FPGT: variants seen among roughly 807,000 people sequenced by gnomAD.
FPGT encodes the protein fucose-1-phosphate guanylyltransferase.
Under a neutral mutation model 45.8 loss-of-function variants are expected in FPGT, and 41 were observed. The ratio of observed to expected loss-of-function variants is 0.90; its 90% CI spans 0.70 to 1.16. The LOEUF is 1.16. Among genes scored for constraint, FPGT ranks in the 50% most tolerant of loss-of-function variants. FPGT has a pLI of 0.00. For synonymous variants in FPGT, 292 were observed against 247.2 expected (o/e 1.18, Z -1.70); for missense variants, 755 against 689.1 (o/e 1.10, Z -1.07).
chr1:74,200,971 G>A (rs530676251), intron 2 of FPGT, among the ~76,000 whole-genome samples: 1 of 146,720 alleles, frequency 6.8e-6, no homozygotes, highest in South Asian at 2.2e-4. Context: ...ATTTAAATGG[G>A]CTTTGTGATT....
chr1:74,205,809 A>G lies in FPGT; in HGVS notation c.1762A>G (p.Ser588Gly), dbSNP rs767286333. The G allele has an allele frequency of 3.2e-6, 5 of 1,557,108 alleles. 1 individual carries two copies. Among genetic ancestry groups the G allele is most frequent in the Middle Eastern group, 1.7e-4 (1 of 5,842 alleles). The change falls in exon 4 of 4, where the codon AGT becomes GGT. Residue 588 changes from serine to glycine, a missense_variant. Coordinates refer to ENST00000370898, the MANE Select transcript of FPGT (RefSeq NM_003838.5). ...TYREQIFLEI[S>G]LKSSLM ...CAGGGAACAAATTTTTCTAGAAATC[A>G]GTTTAAAAAGCAGTTTGATGTAGAG...
intron 1 of FPGT, 143 bp from the exon 2 acceptor site, chr1:74,199,521 C>A: frequency 2.3e-6 from 2 of 863,578 alleles, no homozygotes; most frequent in Non-Finnish European, 3.5e-6. Context: ...ACTAATTATT[C>A]CCTAACTTTC....
intron 3 of FPGT, 145 bp downstream of exon 3, chr1:74,201,555 G>C: frequency 1.7e-6 from 1 of 590,494 alleles, no homozygotes; most frequent in South Asian, 2.9e-5. Context: ...AATATTTTAT[G>C]ATTTTCATGA....
Position 74,208,121 on chromosome 1 carries a change from T to C in FPGT, c.*2289T>C, listed in dbSNP as rs1040772544. 7.9e-5 allele frequency among the ~76,000 whole-genome samples: 12 copies of C among 151,964 alleles called. No individual in the cohort carries two copies. The highest frequency in any genetic ancestry group is 2.9e-4 in the African/African-American group (12 of 41,408). On this transcript the variant is annotated 3_prime_UTR_variant, in exon 4 of 4. Coordinates refer to ENST00000370898, the MANE Select transcript of FPGT (RefSeq NM_003838.5). ...GCTGCCTGGCTAATAGCTATTATAC[T>C]ATCATTTGTAAGGCACATTCTGTTT...
In FPGT at chr1:74,204,802, A is replaced by G. The variant is rs1277642918; in HGVS notation, c.755A>G (p.Asp252Gly). 2.5e-6 allele frequency: 4 copies of G among 1,613,666 alleles called. No individual in the cohort carries two copies. The East Asian group carries it at 6.7e-5, about 27-fold the overall frequency. ...VCRPGNFCQQ[D>G]FAGGDIADLK... Reference sequence around the variant, plus strand: ...AGACCTGGAAATTTTTGTCAACAGGACTTTGCTGGGGGTGACATTGCCGAT... The same window carrying G: ...AGACCTGGAAATTTTTGTCAACAGGGCTTTGCTGGGGGTGACATTGCCGAT... The change falls in exon 4 of 4, where the codon GAC becomes GGC. Residue 252 changes from aspartate (D) to glycine (G), a missense_variant. Physicochemically the swap from Asp to Gly is moderately conservative, Grantham distance 94. Transcript: ENST00000370898.
rs1187216053 is a variant in FPGT, at chr1:74,208,369, C to T, written c.*2537C>T. Among the ~76,000 whole-genome samples, 1 of 151,942 alleles carries T rather than the reference C, an allele frequency of 6.6e-6. No homozygotes were observed. The highest frequency in any genetic ancestry group is 1.9e-4 in the East Asian group (1 of 5,178). On this transcript the variant is annotated 3_prime_UTR_variant, in exon 4 of 4. Coordinates refer to ENST00000370898, the MANE Select transcript of FPGT (RefSeq NM_003838.5). The stretch of plus-strand genomic sequence containing the variant: ...TAATTTTTTAGGCTTTTCATTTAGT[C>T]TTCCAATAAAGATAATTTTTTTCTG...
At position 74,198,257 on chromosome 1, in the gene FPGT, C is replaced by T. The variant is rs1374182275; in HGVS notation, c.-22C>T. On this transcript the variant is annotated 5_prime_UTR_variant, in exon 1 of 4. Coordinates refer to ENST00000370898, the MANE Select transcript of FPGT (RefSeq NM_003838.5). ...CAGGGCGCATGCGTGCTGTGCGGCGCGGTCTCAGGGAAGGTGGGGCTATGG... is the reference window on the plus strand; with the variant it reads ...CAGGGCGCATGCGTGCTGTGCGGCGTGGTCTCAGGGAAGGTGGGGCTATGG... 6.2e-7 allele frequency: 1 copy of T among 1,611,806 alleles called. No individual in the cohort carries two copies. The highest frequency in any genetic ancestry group is 1.3e-5 in the African/African-American group (1 of 74,870).
chr1:74,206,576 A>G lies in FPGT; in HGVS notation c.*744A>G, dbSNP rs1039768362. ...TAGTAATAATTGAGATTCATCAATA[A>G]TCATATAATTTCACTATAGACATTA... On this transcript the variant is annotated 3_prime_UTR_variant, in exon 4 of 4. Coordinates refer to ENST00000370898, the MANE Select transcript of FPGT (RefSeq NM_003838.5). 1 of 152,104 alleles carries G rather than the reference A, an allele frequency of 6.6e-6. No homozygotes were observed. Among genetic ancestry groups the G allele is most frequent in the East Asian group, 1.9e-4 (1 of 5,194 alleles). 9.4% of individuals were successfully genotyped at this position (152,104 alleles called of 1,614,324 possible). A position where few individuals can be genotyped will look rare whatever the true frequency, so the allele number is the denominator to read the frequency against.
At position 74,204,759 on chromosome 1, in the gene FPGT, C is replaced by T. The variant is rs1406611393; in HGVS notation, c.712C>T (p.Gln238Ter). The change falls in exon 4 of 4, where the codon CAG (glutamine) becomes TAG (stop). Residue 238 changes from glutamine to a stop codon, truncating the protein, a stop_gained. Transcript: ENST00000370898. LOFTEE classifies it high-confidence loss of function. The part of the protein sequence containing the change: ...LHKPSIEKMY[Q>*]FNAVCRPGNF... ...TAAGCCCAGCATAGAAAAGATGTAT[C>T]AGTTTAATGCTGTGTGTAGACCTGG... 6.2e-7 allele frequency: 1 copy of T among 1,613,752 alleles called. No homozygotes were observed. Among genetic ancestry groups the T allele is most frequent in the African/African-American group, 1.3e-5 (1 of 74,908 alleles).
intron 3 of FPGT, 65 bp from the exon 4 acceptor site, chr1:74,204,325 TG>T (rs1652075793): frequency 8.5e-7 from 1 of 1,171,806 alleles, no homozygotes; most frequent in Non-Finnish European, 1.2e-6. Context: ...TATAAAACCC[TG>T]GGGTTTTGAA....
chr1:74,203,211 C>G (rs769727088), intron 3 of FPGT, among the ~76,000 whole-genome samples: 5 of 152,234 alleles, frequency 3.3e-5, no homozygotes, highest in African/African-American at 1.2e-4. Flanking sequence ...AGTGGTGCAT[C>G]GTGCTAGGAC....
chr1:74,206,150 T>G lies in FPGT; in HGVS notation c.*318T>G, dbSNP rs1487571406. ...GCATACCTTTGGAATTTTTCCATCT[T>G]TTTTGAGGCTTTTGGTCCAGTGAAG... On this transcript the variant is annotated 3_prime_UTR_variant, in exon 4 of 4. Coordinates refer to ENST00000370898, the MANE Select transcript of FPGT (RefSeq NM_003838.5). 5.3e-6 allele frequency: 1 copy of G among 189,184 alleles called. No individual in the cohort carries two copies. Among genetic ancestry groups the G allele is most frequent in the African/African-American group, 2.4e-5 (1 of 42,458 alleles). 11.7% of individuals were successfully genotyped at this position (189,184 alleles called of 1,614,324 possible).
At position 74,205,642 on chromosome 1, in the gene FPGT, C is replaced by G. The variant is rs148017212; in HGVS notation, c.1595C>G (p.Ser532Cys). ...ACTGCACGCATTTTCCCAGTTTGTT[C>G]TTCTTTGAGTGACTCAGTTATAACA... The part of the protein sequence containing the change: ...LWTARIFPVC[S>C]SLSDSVITSL... The change falls in exon 4 of 4, where the codon TCT becomes TGT. Residue 532 changes from serine to cysteine, a missense_variant. By Grantham distance (112) the Ser-to-Cys change is moderately radical. Transcript: ENST00000370898. 15 of 1,611,592 alleles carry G rather than the reference C, an allele frequency of 9.3e-6. No homozygotes were observed. The African/African-American group carries it at 1.6e-4, about 17-fold the overall frequency.
rs1652326725 is a variant in FPGT, at chr1:74,206,903, TAAATG to T, written c.*1076_*1080del. ...GAAAAGATTTGTCAGTGTGTTTTTT[TAAATG>T]AAATAACTAGTCTGTGCTACTTTAT... On this transcript the variant is annotated 3_prime_UTR_variant, in exon 4 of 4. Coordinates refer to ENST00000370898, the MANE Select transcript of FPGT (RefSeq NM_003838.5). The T allele has an allele frequency of 6.6e-6, 1 of 152,094 alleles. No individual in the cohort carries two copies. Among genetic ancestry groups the T allele is most frequent in the Non-Finnish European group, 1.5e-5 (1 of 67,962 alleles). 9.4% of individuals were successfully genotyped at this position (152,094 alleles called of 1,614,324 possible).
rs944231942 is a variant in FPGT, at chr1:74,205,888, AT to A, written c.*62del. 1.6e-5 allele frequency: 16 copies of A among 988,888 alleles called. No individual in the cohort carries two copies. In the South Asian group the frequency reaches 2.0e-4, roughly 12 times the overall value. 61.3% of individuals were successfully genotyped at this position (988,888 alleles called of 1,614,324 possible). A position where few individuals can be genotyped will look rare whatever the true frequency, so the allele number is the denominator to read the frequency against. ...TTTGAGTAACATTCCAGAGATAGGTATTTTTTGTAGGCTGTTTCACTGAACT... is the reference window on the plus strand; with the variant it reads ...TTTGAGTAACATTCCAGAGATAGGTATTTTTGTAGGCTGTTTCACTGAACT... On this transcript the variant is annotated 3_prime_UTR_variant, in exon 4 of 4. Coordinates refer to ENST00000370898, the MANE Select transcript of FPGT (RefSeq NM_003838.5).
In FPGT at chr1:74,205,333, C is replaced by T. The variant is rs568001483; in HGVS notation, c.1286C>T (p.Ser429Leu). 1 of 1,614,138 alleles carries T rather than the reference C, an allele frequency of 6.2e-7. No individual in the cohort carries two copies. Among genetic ancestry groups the T allele is most frequent in the African/African-American group, 1.3e-5 (1 of 75,048 alleles). ...TATTCCAGATTGGGGCCTGATGTTT[C>T]AGTTGGGGAAAACTGCATTATTAGT... ...VEYSRLGPDV[S>L]VGENCIISGS... Residue 429 changes from serine to leucine, a missense_variant, in exon 4 of 4, where the codon TCA (serine) becomes TTA (leucine). Physicochemically the swap from Ser to Leu is moderately radical, Grantham distance 145. Coordinates refer to ENST00000370898, the MANE Select transcript of FPGT (RefSeq NM_003838.5).
chr1:74,207,008 T>C lies in FPGT; in HGVS notation c.*1176T>C, dbSNP rs1243820864. On this transcript the variant is annotated 3_prime_UTR_variant, in exon 4 of 4. Coordinates refer to ENST00000370898, the MANE Select transcript of FPGT (RefSeq NM_003838.5). ...TTATGATACTTATGTGCGTGTTTTT[T>C]TTTCCAAAGTTTTTCCCAAGGAGAA... 1 of 152,068 alleles carries C rather than the reference T, an allele frequency of 6.6e-6. No homozygotes were observed. The highest frequency in any genetic ancestry group is 1.5e-5 in the Non-Finnish European group (1 of 67,960). 9.4% of individuals were successfully genotyped at this position (152,068 alleles called of 1,614,324 possible). A position where few individuals can be genotyped will look rare whatever the true frequency, so the allele number is the denominator to read the frequency against.
intron 2 of FPGT, 147 bp from the exon 3 acceptor site, chr1:74,201,171 C>T: frequency 1.8e-6 from 1 of 559,992 alleles, no homozygotes; most frequent in Non-Finnish European, 3.1e-6. Context: ...TAATTTTGTT[C>T]TATTGCCAAT....
At position 74,204,919 on chromosome 1, in the gene FPGT, T is replaced by A; in HGVS notation, c.872T>A (p.Ile291Lys). The A allele has an allele frequency of 6.2e-7, 1 of 1,613,864 alleles. No individual in the cohort carries two copies. The change falls in exon 4 of 4, where the codon ATA becomes AAA. Residue 291 changes from isoleucine (I) to lysine (K), a missense_variant. Ile to Lys is a moderately radical substitution (Grantham distance 102, BLOSUM62 -3). Transcript: ENST00000370898. Reference protein sequence around the residue: ...AKMLLAFYEKIGTLSCEIDAY... With the variant: ...AKMLLAFYEKKGTLSCEIDAY... The stretch of plus-strand genomic sequence containing the variant: ...ATGTTACTTGCTTTTTATGAAAAAA[T>A]AGGCACACTGAGCTGTGAAATAGAT...
Sources: gnomAD v4.1 joint callset for allele counts (sites outside exome capture counted in the v4.1 genomes callset) on GRCh38, gnomAD v4.1.1 for gene constraint, MANE v1.5 for transcripts, NCBI Gene and HGNC (gene_info 2026-07-23, HGNC 2026-07-21) for gene names.